Variants in PRMT3 observed in about 807,000 individuals in gnomAD.
PRMT3 encodes protein arginine N-methyltransferase 3.
PRMT3 carries 62 observed loss-of-function variants against 71.9 expected under a neutral mutation model. The ratio of observed to expected loss-of-function variants is 0.86; its 90% CI spans 0.70 to 1.07. PRMT3 has a LOEUF of 1.07. PRMT3 is among the 50% of genes least tolerant of loss of function. The probability of loss-of-function intolerance (pLI) is 0.00; values close to 1 mark genes in which losing one functional copy is unlikely to be tolerated. For synonymous variants in PRMT3, 213 were observed against 220.4 expected, an observed-to-expected ratio of 0.97 and a Z score of 0.30; for missense variants, 663 against 643.0, an observed-to-expected ratio of 1.03 and a Z score of -0.34.
At chr11:20,396,150 T>C (rs1278311325) in intron 6 of PRMT3, among the ~76,000 whole-genome samples, 188 bp downstream of exon 6, 1 of 152,226 alleles carries the variant, frequency 6.6e-6, no homozygotes, top group African/African-American at 2.4e-5. Context: ...TAAAATCTTA[T>C]AGTTTTACCT....
intron 8 of PRMT3, chr11:20,406,145 A>G (rs1265659549): frequency 1.3e-5 from 2 of 152,360 alleles, no homozygotes; most frequent in East Asian, 3.9e-4. Context: ...TTTACCGGAT[A>G]TAAAATGGTG....
At chr11:20,484,230 A>G (rs1248707604) in intron 13 of PRMT3, among the ~76,000 whole-genome samples, 1 of 152,218 alleles carries the variant, frequency 6.6e-6, no homozygotes, top group Non-Finnish European at 1.5e-5. Context: ...AAGTGAACAA[A>G]GACATTGAAC....
chr11:20,480,655 C>G (rs545176855), intron 13 of PRMT3, among the ~76,000 whole-genome samples: 2 of 152,204 alleles, frequency 1.3e-5, no homozygotes, highest in Admixed American at 6.6e-5. Context: ...GTAGGTTATT[C>G]TAGTAGCTTT....
Sources: gnomAD v4.1 joint callset for allele counts (sites outside exome capture counted in the v4.1 genomes callset) on GRCh38, gnomAD v4.1.1 for gene constraint, MANE v1.5 for transcripts, NCBI Gene and HGNC (gene_info 2026-07-23, HGNC 2026-07-21) for gene names.